Variants in CHUK observed in about 807,000 individuals in gnomAD.
CHUK encodes component of inhibitor of nuclear factor kappa B kinase complex, also known as inhibitor of nuclear factor kappa-B kinase subunit alpha.
A neutral mutation model predicts 104.8 loss-of-function variants in CHUK; 35 were observed. That is an observed-to-expected ratio of 0.33 (90% CI 0.26 to 0.44). The LOEUF is 0.44. Ranked by LOEUF, CHUK falls within the 20% of genes least tolerant of loss-of-function variation. The pLI, the probability that CHUK is intolerant of heterozygous loss-of-function variation, is 1.00. For synonymous variants in CHUK, 276 were observed against 291.9 expected (o/e 0.95, Z 0.56); for missense variants, 663 against 902.7 (o/e 0.73, Z 3.40).
At position 100,188,821 on chromosome 10, in the gene CHUK, T is replaced by A. The variant is rs1845130061; in HGVS notation, c.*777A>T. Reference sequence around the variant, plus strand: ...ATTTGTATGACAAGACATGAAAGATTGTTTAAACAAATGACTCATTTTTAC... The same window carrying A: ...ATTTGTATGACAAGACATGAAAGATAGTTTAAACAAATGACTCATTTTTAC... On this transcript the variant is annotated 3_prime_UTR_variant, in exon 21 of 21. Transcript: ENST00000370397. 6.6e-6 allele frequency: 1 copy of A among 152,222 alleles called. No individual in the cohort carries two copies. Among genetic ancestry groups the A allele is most frequent in the Non-Finnish European group, 1.5e-5 (1 of 68,032 alleles). 9.4% of individuals were successfully genotyped at this position (152,222 alleles called of 1,614,324 possible).
Position 100,207,348 on chromosome 10 carries a change from A to C in CHUK, c.1129-16T>G. On this transcript the variant is annotated splice_polypyrimidine_tract_variant and intron_variant, in intron 10 of 20. Transcript: ENST00000370397. ...CACAGCCTCTCTGAAAAAGAAACAA[A>C]CAGTTAAAATCCTGTTCAAGGATCT... is the stretch of plus-strand genomic sequence containing the variant. 2.6e-6 allele frequency: 3 copies of C among 1,175,600 alleles called. No individual in the cohort carries two copies. Among genetic ancestry groups the C allele is most frequent in the Non-Finnish European group, 2.6e-6 (2 of 781,876 alleles). 72.8% of individuals were successfully genotyped at this position (1,175,600 alleles called of 1,614,324 possible). A position where few individuals can be genotyped will look rare whatever the true frequency, so the allele number is the denominator to read the frequency against.
At chr10:100,222,206 A>G in intron 3 of CHUK, 25 bp from the exon 4 acceptor site, 1 of 1,403,380 alleles carries the variant, frequency 7.1e-7, no homozygotes. Context: ...AAATCTAAAA[A>G]TCTGTTCTGC....
chr10:100,199,198 A>G (rs930102050), intron 16 of CHUK, among the ~76,000 whole-genome samples: 2 of 152,256 alleles, frequency 1.3e-5, no homozygotes, highest in Non-Finnish European at 2.9e-5. Flanking sequence ...AAAACAAGTC[A>G]TCAGTGACCA....
chr10:100,195,410 CG>C (rs1845302249), intron 16 of CHUK: 1 of 152,148 alleles, frequency 6.6e-6, no homozygotes, highest in Non-Finnish European at 1.5e-5. Context: ...GTTTAAAAAA[CG>C]TTGTGTCCTT....
At chr10:100,225,672 G>C (rs1006073743) in intron 2 of CHUK, among the ~76,000 whole-genome samples, 1 of 152,080 alleles carries the variant, frequency 6.6e-6, no homozygotes, top group Non-Finnish European at 1.5e-5. Flanking sequence ...AGGAATCACC[G>C]TACTGTTTTC....
At chr10:100,195,121 G>A (rs1845294290) in intron 16 of CHUK, 2 of 152,244 alleles carry the variant, frequency 1.3e-5, no homozygotes, top group African/African-American at 4.8e-5. Context: ...AAATGGGATG[G>A]CTGTTGGTCA....
chr10:100,207,544 A>T (rs1845616910), intron 10 of CHUK, among the ~76,000 whole-genome samples: 1 of 152,218 alleles, frequency 6.6e-6, no homozygotes, highest in East Asian at 1.9e-4. Flanking sequence ...AATCACCAAA[A>T]CCCAAAGAAC....
At chr10:100,207,408 C>A in intron 10 of CHUK, 76 bp from the exon 11 acceptor site, 1 of 749,742 alleles carries the variant, frequency 1.3e-6, no homozygotes. Flanking sequence ...ACTTATGCAC[C>A]AGATTTCCTA....
At position 100,207,386 on chromosome 10, in the gene CHUK, G is replaced by C. The variant is rs1845613276; in HGVS notation, c.1129-54C>G. On this transcript the variant is annotated intron_variant, in intron 10 of 20. Coordinates refer to ENST00000370397, the MANE Select transcript of CHUK (RefSeq NM_001278.5). ...TGTTCAAGGATCTTTGAAAATCCTA[G>C]GTTTTCTAAATACTTATGCACCAGA... 1.1e-5 allele frequency: 10 copies of C among 899,614 alleles called. No homozygotes were observed. In the Middle Eastern group the frequency reaches 8.5e-4, roughly 76 times the overall value. 55.7% of individuals were successfully genotyped at this position (899,614 alleles called of 1,614,324 possible). A position where few individuals can be genotyped will look rare whatever the true frequency, so the allele number is the denominator to read the frequency against.
chr10:100,204,682 A>G (rs774233775), intron 12 of CHUK, 25 bp from the exon 13 acceptor site: 77 of 1,548,584 alleles, frequency 5.0e-5, no homozygotes, highest in Non-Finnish European at 4.6e-5. Flanking sequence ...GAAAAAAAAG[A>G]AAAAGAAAAA....
In CHUK at chr10:100,203,921, T is replaced by C. The variant is rs17885287; in HGVS notation, c.1507+585A>G. 3.0e-3 allele frequency among the ~76,000 whole-genome samples: 457 copies of C among 152,320 alleles called. 4 individuals are homozygous for C. The highest frequency in any genetic ancestry group is 0.011 in the African/African-American group (446 of 41,572). On this transcript the variant is annotated intron_variant, in intron 13 of 20. Coordinates refer to ENST00000370397, the MANE Select transcript of CHUK (RefSeq NM_001278.5). ...GTGCCATAAAAACAACAGAAATTTA[T>C]TTCTTATAGTTCTGGAGGCTGGGAA...
chr10:100,209,471 G>A lies in CHUK; in HGVS notation c.1128+124C>T, dbSNP rs201148908. On this transcript the variant is annotated intron_variant, in intron 10 of 20. Transcript: ENST00000370397. ...TGCAAAGCAATGATAAGAGTTGGGA[G>A]AAGGACAAAACCAAAACAAAATGTG... is the stretch of plus-strand genomic sequence containing the variant. The A allele has an allele frequency of 4.8e-5, 33 of 693,430 alleles. No individual in the cohort carries two copies. The East Asian group carries it at 8.9e-4, about 19-fold the overall frequency. 43.0% of individuals were successfully genotyped at this position (693,430 alleles called of 1,614,324 possible). A position where few individuals can be genotyped will look rare whatever the true frequency, so the allele number is the denominator to read the frequency against.
At chr10:100,218,205 T>C in intron 8 of CHUK, 75 bp from the exon 9 acceptor site, 1 of 1,316,134 alleles carries the variant, frequency 7.6e-7, no homozygotes, top group East Asian at 2.3e-5. Flanking sequence ...AGAAAGGTAA[T>C]TTTGCAGGTT....
At position 100,222,979 on chromosome 10, in the gene CHUK, A is replaced by T; in HGVS notation, c.202T>A (p.Leu68Met). The stretch of plus-strand genomic sequence containing the variant: ...GCCTTTACAACATTGGCATGGTTCA[A>T]CCTAATAAGAAAGAAAAACATTACA... The part of the protein sequence containing the change: ...WCHEIQIMKK[L>M]NHANVVKACD... The change falls in exon 3 of 21, where the codon TTG (leucine) becomes ATG (methionine). Residue 68 changes from leucine to methionine, a missense_variant and splice_region_variant. By Grantham distance (15) the Leu-to-Met change is conservative. Around this residue, in one of 5 missense-constraint regions of CHUK, gnomAD observed 200 missense variants for 333.0 expected, o/e 0.60. Transcript: ENST00000370397. The T allele has an allele frequency of 6.6e-7, 1 of 1,504,232 alleles. No homozygotes were observed. Among genetic ancestry groups the T allele is most frequent in the Non-Finnish European group, 9.3e-7 (1 of 1,080,778 alleles). The allele number at this position is 1,504,232 out of a possible 1,614,324, so 93.2% of individuals were successfully genotyped here.
chr10:100,207,365 C>G (rs774886123), intron 10 of CHUK, 33 bp from the exon 11 acceptor site: 38 of 1,050,014 alleles, frequency 3.6e-5, no homozygotes, highest in Non-Finnish European at 5.7e-5. Context: ...AAATCCTGTT[C>G]AAGGATCTTT....
intron 9 of CHUK, among the ~76,000 whole-genome samples, chr10:100,215,847 C>G (rs527421826): frequency 2.0e-5 from 3 of 152,166 alleles, no homozygotes; most frequent in Admixed American, 6.5e-5. Flanking sequence ...TGATGCTCTG[C>G]TGCCTATAAA....
chr10:100,213,163 T>C (rs1410908465), intron 9 of CHUK, among the ~76,000 whole-genome samples: 1 of 151,798 alleles, frequency 6.6e-6, no homozygotes, highest in African/African-American at 2.4e-5. Flanking sequence ...ATTTACCCCA[T>C]TAATTTGTAT....
intron 13 of CHUK, among the ~76,000 whole-genome samples, chr10:100,202,370 TG>T (rs1845483796): frequency 6.6e-6 from 1 of 152,186 alleles, no homozygotes; most frequent in African/African-American, 2.4e-5. Flanking sequence ...CATACTGGAA[TG>T]GTCTGGGCCC....
intron 14 of CHUK, among the ~76,000 whole-genome samples, chr10:100,201,233 C>G (rs1399626468): frequency 6.6e-6 from 1 of 152,130 alleles, no homozygotes; most frequent in Non-Finnish European, 1.5e-5. Flanking sequence ...CCACCCACAT[C>G]CTCAGGGTAA....
Sources: allele counts gnomAD v4.1 joint callset (sites outside exome capture counted in the v4.1 genomes callset), GRCh38; gene constraint gnomAD v4.1.1; regional missense constraint gnomAD v4.1.1; transcripts MANE v1.5; gene names NCBI Gene and HGNC (gene_info 2026-07-23, HGNC 2026-07-21).